The following CABIN1 variants were observed in gnomAD, a reference collection of about 807,000 sequenced individuals.
The protein encoded by CABIN1 is calcineurin binding protein 1, also known as calcineurin-binding protein cabin-1.
In CABIN1, 133 loss-of-function variants were observed where a neutral mutation model predicts 227.7. The ratio of observed to expected loss-of-function variants is 0.58; its 90% confidence interval spans 0.51 to 0.67. The LOEUF is 0.67. CABIN1 is among the 30% of genes least tolerant of loss of function. The pLI, the probability that CABIN1 is intolerant of heterozygous loss-of-function variation, is 0.00. For missense variants in CABIN1, 2,408 were observed against 2,852.5 expected (o/e 0.84, Z 3.55); for synonymous variants, 1,086 against 1,155.1 (o/e 0.94, Z 1.21).
At chr22:24,169,834 A>C (rs140058882) in intron 33 of CABIN1, among the ~76,000 whole-genome samples, 5 of 152,254 alleles carry the variant, frequency 3.3e-5, no homozygotes, top group African/African-American at 1.2e-4. Flanking sequence ...TAGCGTGAGA[A>C]GAAAGGGCTA....
At chr22:24,167,569 G>A (rs530683367) in intron 32 of CABIN1, among the ~76,000 whole-genome samples, 4 of 152,360 alleles carry the variant, frequency 2.6e-5, no homozygotes, top group South Asian at 4.1e-4. Context: ...CCACCGCTGC[G>A]CTGGGCCTCT....
At chr22:24,014,307 T>G (rs2035070087) in intron 1 of CABIN1, among the ~76,000 whole-genome samples, 1 of 152,220 alleles carries the variant, frequency 6.6e-6, no homozygotes, top group Admixed American at 6.5e-5. Flanking sequence ...ATGTATTATA[T>G]TCTATGAGTT....
intron 28 of CABIN1, among the ~76,000 whole-genome samples, chr22:24,126,624 G>T (rs2043740916): frequency 6.6e-6 from 1 of 152,178 alleles, no homozygotes; most frequent in African/African-American, 2.4e-5. Flanking sequence ...GGAGGAGAGA[G>T]GAAGAAGATG....
chr22:24,086,407 G>T (rs892725618), intron 22 of CABIN1, among the ~76,000 whole-genome samples: 16 of 152,218 alleles, frequency 1.1e-4, no homozygotes, highest in Non-Finnish European at 1.9e-4. Context: ...TGTTTAGAGG[G>T]TATCAACCCA....
In CABIN1 at chr22:24,147,961, C is replaced by T. The variant is rs529577123; in HGVS notation, c.4746+13546C>T. Among the ~76,000 whole-genome samples the T allele has an allele frequency of 6.6e-5, 10 of 152,260 alleles. No homozygotes were observed. The East Asian group carries it at 1.9e-3, about 29-fold the overall frequency. ...ACATTCAGGAAAGCCTGGGCAAAGG[C>T]AGAGTCTGGGTGTGAGCAGGCAGGA... On this transcript the variant is annotated intron_variant, in intron 29 of 36. Transcript: ENST00000263119.
At chr22:24,063,223 GGT>G (rs531695620) in intron 14 of CABIN1, 77 bp downstream of exon 14, 493 of 1,424,752 alleles carry the variant, frequency 3.5e-4, no homozygotes, top group Middle Eastern at 4.3e-4. Flanking sequence ...CCATGTTGAG[GGT>G]GTGTGTGTGT....
chr22:24,176,615 G>T (rs2047125006), intron 35 of CABIN1, among the ~76,000 whole-genome samples: 1 of 152,180 alleles, frequency 6.6e-6, no homozygotes, highest in Admixed American at 6.5e-5. Flanking sequence ...GGGGAAAGAG[G>T]AGTAGGCATG....
intron 6 of CABIN1, among the ~76,000 whole-genome samples, chr22:24,045,425 G>A (rs571867270): frequency 6.6e-6 from 1 of 152,052 alleles, no homozygotes; most frequent in African/African-American, 2.4e-5. Context: ...AACAGCCTGG[G>A]CAAGATAGTG....
chr22:24,121,670 C>T (rs1417174963), intron 28 of CABIN1, among the ~76,000 whole-genome samples: 1 of 152,252 alleles, frequency 6.6e-6, no homozygotes, highest in Non-Finnish European at 1.5e-5. Context: ...CTCTGTTGGG[C>T]TCACCATTGC....
At chr22:24,133,516 T>G (rs1383078953) in intron 28 of CABIN1, among the ~76,000 whole-genome samples, 1 of 152,206 alleles carries the variant, frequency 6.6e-6, no homozygotes, top group African/African-American at 2.4e-5. Flanking sequence ...ACAGATTGGC[T>G]GGGACAGTGG....
Position 24,084,730 on chromosome 22 carries a change from G to A in CABIN1, c.3062G>A (p.Arg1021Lys), listed in dbSNP as rs760579777. ...GCCACCATTGTGCCTCGCACAGAGA[G>A]GCCAGCCCTTAGCCTGGACAAAGTC... Reference protein sequence around the residue: ...RIATIVPRTERPALSLDKVSA... With the variant: ...RIATIVPRTEKPALSLDKVSA... Residue 1021 changes from arginine (R) to lysine (K), a missense_variant, in exon 21 of 37, where the codon AGG (arginine) becomes AAG (lysine). Coordinates refer to ENST00000263119, the MANE Select transcript of CABIN1 (RefSeq NM_012295.4). The A allele has an allele frequency of 2.5e-6, 4 of 1,614,216 alleles. No homozygotes were observed. The South Asian group carries it at 4.4e-5, about 18-fold the overall frequency.
At chr22:24,015,329 T>C (rs2035185765) in intron 1 of CABIN1, among the ~76,000 whole-genome samples, 1 of 147,784 alleles carries the variant, frequency 6.8e-6, no homozygotes, top group Admixed American at 6.7e-5. Context: ...CCATATCTGT[T>C]CATAGAGATC....
chr22:24,025,896 C>T (rs1261049400), intron 1 of CABIN1, among the ~76,000 whole-genome samples: 1 of 151,716 alleles, frequency 6.6e-6, no homozygotes, highest in Non-Finnish European at 1.5e-5. Flanking sequence ...TGCGGTGGCA[C>T]AATCTCAGCT....
At chr22:24,042,821 T>C (rs1601747936) in intron 5 of CABIN1, 83 bp from the exon 6 acceptor site, 6 of 330,674 alleles carry the variant, frequency 1.8e-5, no homozygotes, top group Non-Finnish European at 3.3e-5. Context: ...GATCTGACTG[T>C]GTGTGTGTGT....
intron 22 of CABIN1, among the ~76,000 whole-genome samples, chr22:24,085,906 G>A (rs531639834): frequency 6.6e-6 from 1 of 152,334 alleles, no homozygotes; most frequent in East Asian, 1.9e-4. Context: ...CTTTCTGGAA[G>A]GACTCAGAGG....
chr22:24,050,896 T>C lies in CABIN1; in HGVS notation c.728T>C (p.Leu243Pro), dbSNP rs1295347603. 10 of 1,614,220 alleles carry C rather than the reference T, an allele frequency of 6.2e-6. No homozygotes were observed. Among genetic ancestry groups the C allele is most frequent in the Non-Finnish European group, 8.5e-6 (10 of 1,180,034 alleles). ...TQAIVDEALG[L>P]RKKRQALIVR... ...GCGATTGTAGATGAGGCCTTGGGGC[T>C]GCGAAAAAAGAGGCAAGCGCTGATT... Residue 243 changes from leucine (L) to proline (P), a missense_variant, in exon 8 of 37, where the codon CTG becomes CCG. This residue lies in a region of CABIN1 where 1,045 missense variants were observed against 1,168.4 expected (regional missense o/e 0.89). Transcript: ENST00000263119.
chr22:24,115,139 T>C (rs1288983430), intron 27 of CABIN1, among the ~76,000 whole-genome samples: 1 of 152,214 alleles, frequency 6.6e-6, no homozygotes, highest in Non-Finnish European at 1.5e-5. Context: ...TTAAAACTTA[T>C]CAGACAAGTA....
intron 7 of CABIN1, 89 bp from the exon 8 acceptor site, chr22:24,050,736 A>G: frequency 6.7e-7 from 1 of 1,500,164 alleles, no homozygotes; most frequent in Non-Finnish European, 9.2e-7. Flanking sequence ...ATTAAAAGGT[A>G]TTAACCTAAA....
intron 29 of CABIN1, chr22:24,156,096 G>GGGACT (rs2045780507): frequency 9.7e-6 from 4 of 414,470 alleles, no homozygotes; most frequent in African/African-American, 8.3e-5. Flanking sequence ...TGGCGGGGGC[G>GGGACT]GGGGCCGGGA....
Sources: gnomAD v4.1 joint callset for allele counts (sites outside exome capture counted in the v4.1 genomes callset) on GRCh38, gnomAD v4.1.1 for gene constraint, gnomAD v4.1.1 regional missense constraint, MANE v1.5 for transcripts, NCBI Gene and HGNC (gene_info 2026-07-23, HGNC 2026-07-21) for gene names.